C12orf76: variants seen among roughly 807,000 people sequenced by gnomAD.
The protein encoded by C12orf76 is chromosome 12 open reading frame 76.
A neutral mutation model predicts 6.8 loss-of-function variants in C12orf76; 6 were observed. The ratio of observed to expected loss-of-function variants is 0.88; its 90% confidence interval spans 0.48 to 1.73. The LOEUF is 1.73. Among genes scored for constraint, C12orf76 ranks in the 40% most tolerant of loss-of-function variants. The pLI, the probability that C12orf76 is intolerant of heterozygous loss-of-function variation, is 0.01. For synonymous variants in C12orf76, 56 were observed against 43.7 expected, an observed-to-expected ratio of 1.28 and a Z score of -1.11; for missense variants, 99 against 98.2, an observed-to-expected ratio of 1.01 and a Z score of -0.03.
upstream of C12orf76, among the ~76,000 whole-genome samples, chr12:110,051,457 T>G (rs1255704193): frequency 1.3e-5 from 2 of 152,042 alleles, no homozygotes; most frequent in African/African-American, 4.8e-5. Flanking sequence ...AATGGAGTCT[T>G]GCTCTGTCGC....
At chr12:110,065,960 C>G (rs1892852070) in exon 2 of C12orf76, 1 of 1,608,164 alleles carries the variant, frequency 6.2e-7, no homozygotes. Flanking sequence ...CTGGATTCTT[C>G]TCCTTCTATG....
chr12:110,047,836 T>C (rs1892489564), intron 1 of C12orf76, among the ~76,000 whole-genome samples: 1 of 152,186 alleles, frequency 6.6e-6, no homozygotes, highest in Non-Finnish European at 1.5e-5. Context: ...CTGGCTCCTC[T>C]GGGAAAGAAG....
At chr12:110,060,212 G>C (rs59712620) in intron 2 of C12orf76, among the ~76,000 whole-genome samples, 4,370 of 152,182 alleles carry the variant, frequency 0.029, 151 homozygotes, top group African/African-American at 0.078. Flanking sequence ...TGCAACAAGA[G>C]TGAAACTCTG....
Position 110,048,351 on chromosome 12 carries a change from AG to A in C12orf76, c.133+11del, listed in dbSNP as rs969276410. ...GCACTACCCGCCGCCCGCCAGCCCG[AG>A]GGCCGCTCACCCAGGTTCTGCCCTC... is the stretch of plus-strand genomic sequence containing the variant. On this transcript the variant is annotated intron_variant, in intron 1 of 1. Coordinates refer to ENST00000615315, the MANE Select transcript of C12orf76 (RefSeq NM_001389625.1). 6.7e-7 allele frequency: 1 copy of A among 1,494,786 alleles called. No individual in the cohort carries two copies. The highest frequency in any genetic ancestry group is 1.4e-5 in the African/African-American group (1 of 69,882). The allele number at this position is 1,494,786 out of a possible 1,614,324, so 92.6% of individuals were successfully genotyped here.
At chr12:110,053,689 A>G (rs1892621834), upstream of C12orf76, among the ~76,000 whole-genome samples, 1 of 152,262 alleles carries the variant, frequency 6.6e-6, no homozygotes, top group South Asian at 2.1e-4. Context: ...TGCTGGAGTT[A>G]TGGGCAAGAA....
At chr12:110,043,650 G>A (rs146677941) in intron 1 of C12orf76, among the ~76,000 whole-genome samples, 4,292 of 152,036 alleles carry the variant, frequency 0.028, 144 homozygotes, top group Admixed American at 0.092. Flanking sequence ...TCAGGAGTTC[G>A]AGACCAGCCT....
intron 2 of C12orf76, among the ~76,000 whole-genome samples, chr12:110,062,079 C>T (rs181707683): frequency 7.9e-5 from 12 of 151,948 alleles, no homozygotes; most frequent in Admixed American, 1.3e-4. Context: ...GTTTGGCCAA[C>T]GTGGTAAGAC....
intron 1 of C12orf76, among the ~76,000 whole-genome samples, chr12:110,042,772 G>C (rs941226997): frequency 6.6e-6 from 1 of 152,200 alleles, no homozygotes; most frequent in South Asian, 2.1e-4. Flanking sequence ...CACAAACTAA[G>C]ACAGGCCGAG....
At chr12:110,070,831 G>A (rs561608687), upstream of C12orf76, among the ~76,000 whole-genome samples, 4 of 152,330 alleles carry the variant, frequency 2.6e-5, no homozygotes, top group South Asian at 2.1e-4. Flanking sequence ...CTGGAATGAA[G>A]TGGCATGATC....
intron 1 of C12orf76, chr12:110,045,810 T>G (rs535576953): frequency 3.2e-5 from 5 of 154,880 alleles, no homozygotes; most frequent in Admixed American, 1.9e-4. Flanking sequence ...ATTACAAACA[T>G]TAGCCGGGCA....
chr12:110,058,338 C>T (rs1205259632), intron 3 of C12orf76, among the ~76,000 whole-genome samples: 1 of 152,084 alleles, frequency 6.6e-6, no homozygotes, highest in African/African-American at 2.4e-5. Flanking sequence ...TTTTCAGTGG[C>T]TAAAGAGTAT....
At chr12:110,051,401 C>G (rs1892573099), upstream of C12orf76, 2 of 618,366 alleles carry the variant, frequency 3.2e-6, no homozygotes, top group Non-Finnish European at 5.8e-6. Flanking sequence ...ATACTGAGCA[C>G]TCGCTATAGG....
rs1334068365 is a variant in C12orf76, at chr12:110,054,703, AC to A, written n.664+2485del. Among the ~76,000 whole-genome samples, 3 of 152,218 alleles carry A rather than the reference AC, an allele frequency of 2.0e-5. No homozygotes were observed. The highest frequency in any genetic ancestry group is 4.4e-5 in the Non-Finnish European group (3 of 68,034). ...GTTAATTTTGTGTTATATGAACTTC[AC>A]CCCAATAAAAAAGTAAAAATTATAT... On this transcript the variant is annotated intron_variant and non_coding_transcript_variant, in intron 4 of 4. Transcript: ENST00000309050. This position sits in a 1 kb window ranked among gnomAD's most constrained non-coding sequence, Gnocchi z 4.4.
chr12:110,047,687 G>GAAAA (rs919643361), intron 1 of C12orf76, among the ~76,000 whole-genome samples: 2 of 149,820 alleles, frequency 1.3e-5, no homozygotes, highest in Non-Finnish European at 3.0e-5. Context: ...TATTGTAAAA[G>GAAAA]AAAAAAAAAG....
At chr12:110,051,210 G>C (rs761463436), upstream of C12orf76, 2 of 774,158 alleles carry the variant, frequency 2.6e-6, no homozygotes, top group Non-Finnish European at 4.8e-6. Flanking sequence ...GCATAGCACA[G>C]TGGGGTGGGA....
At chr12:110,055,117 A>G (rs151280006) in intron 4 of C12orf76, among the ~76,000 whole-genome samples, 6 of 152,296 alleles carry the variant, frequency 3.9e-5, no homozygotes, top group African/African-American at 9.6e-5. Context: ...TAGTATTTCT[A>G]TAGCATTTAT....
upstream of C12orf76, among the ~76,000 whole-genome samples, chr12:110,069,388 C>T (rs1397958445): frequency 1.3e-5 from 2 of 151,976 alleles, no homozygotes; most frequent in African/African-American, 2.4e-5. Context: ...TGCAATGAGC[C>T]GAGATCACAC....
upstream of C12orf76, among the ~76,000 whole-genome samples, chr12:110,068,322 G>GAAGAAGAAGAAGAAA (rs1566080295): frequency 5.0e-5 from 7 of 139,162 alleles, no homozygotes; most frequent in African/African-American, 1.5e-4. Flanking sequence ...AGAAGAAGAA[G>GAAGAAGAAGAAGAAA]AAGAAGAAGG....
At chr12:110,057,069 T>C (rs1398239033) in intron 4 of C12orf76, 2 of 686,790 alleles carry the variant, frequency 2.9e-6, no homozygotes, top group Non-Finnish European at 5.3e-6. Flanking sequence ...GTTGAGCCCA[T>C]GGAACCCTCA....
Sources: allele counts gnomAD v4.1 joint callset (sites outside exome capture counted in the v4.1 genomes callset), GRCh38; gene constraint gnomAD v4.1.1; non-coding constraint Gnocchi (gnomAD v3.1); transcripts MANE v1.5; gene names NCBI Gene and HGNC (gene_info 2026-07-23, HGNC 2026-07-21).